Variants in ATF7 observed in about 807,000 individuals in gnomAD.
ATF7 encodes the protein activating transcription factor 7.
ATF7 carries 10 observed loss-of-function variants against 50.4 expected under a neutral mutation model. The ratio of observed to expected loss-of-function variants is 0.20; its 90% CI spans 0.12 to 0.34. The LOEUF (loss-of-function observed/expected upper bound fraction) is 0.34. Ranked by LOEUF, ATF7 falls within the 10% of genes least tolerant of loss-of-function variation. ATF7 has a pLI of 1.00. For missense variants in ATF7, 465 were observed against 613.9 expected (o/e 0.76, Z 2.56); for synonymous variants, 201 against 226.4 (o/e 0.89, Z 1.01).
rs139750326 is a variant in ATF7 at position 53,606,050 on chromosome 12, C to T, written c.-21-5029G>A. 8.3e-3 allele frequency among the ~76,000 whole-genome samples: 1,260 copies of T among 152,180 alleles called. 12 individuals carry two copies. Among genetic ancestry groups the T allele is most frequent in the African/African-American group, 0.029 (1,196 of 41,520 alleles). On this transcript the variant is annotated intron_variant, in intron 1 of 11. Transcript: ENST00000420353. Reference sequence around the variant, plus strand: ...GGCACTTTATATGACCACAGCCAACCAAGTCTATGCTTTTGTCACCCAAAT... The same window carrying T: ...GGCACTTTATATGACCACAGCCAACTAAGTCTATGCTTTTGTCACCCAAAT...
intron 1 of ATF7, 110 bp downstream of exon 1, chr12:53,626,169 G>T (rs991041578): frequency 6.5e-6 from 1 of 153,118 alleles, no homozygotes; most frequent in Non-Finnish European, 1.5e-5. Context: ...CAGCGCCCCC[G>T]TCCAACACAG....
intron 1 of ATF7, among the ~76,000 whole-genome samples, chr12:53,613,063 A>G (rs1056783350): frequency 7.9e-5 from 12 of 152,160 alleles, no homozygotes; most frequent in African/African-American, 2.9e-4. Flanking sequence ...AATGATAGCT[A>G]TTTATCCTGA....
chr12:53,585,065 C>T lies in ATF7; in HGVS notation c.48+15888G>A, dbSNP rs563885726. 2.6e-5 allele frequency among the ~76,000 whole-genome samples: 4 copies of T among 152,266 alleles called. No individual in the cohort carries two copies. The South Asian group carries it at 6.2e-4, about 24-fold the overall frequency. On this transcript the variant is annotated intron_variant, in intron 2 of 11. Transcript: ENST00000420353. ...ATGGCTCACTGCAGCCTTGACCTCC[C>T]GGGCTCAAGCAGTCCTCCCACCTCA...
At chr12:53,518,037 G>T (rs1044605965) in intron 11 of ATF7, among the ~76,000 whole-genome samples, 1 of 151,624 alleles carries the variant, frequency 6.6e-6, no homozygotes, top group Admixed American at 6.6e-5. Context: ...GCTAATTTTT[G>T]AATTTTTAGT....
At chr12:53,620,575 C>T (rs1406435816) in intron 1 of ATF7, among the ~76,000 whole-genome samples, 1 of 75,770 alleles carries the variant, frequency 1.3e-5, no homozygotes, top group African/African-American at 5.5e-5. Context: ...GACTCCGTCT[C>T]AAAAAAAAAA....
chr12:53,605,295 A>T (rs552723041), intron 1 of ATF7, among the ~76,000 whole-genome samples: 1 of 149,690 alleles, frequency 6.7e-6, no homozygotes, highest in Non-Finnish European at 1.5e-5. Flanking sequence ...AGGCTGAGGC[A>T]GGAGAATTGC....
At chr12:53,544,484 T>C (rs1939764346) in intron 3 of ATF7, among the ~76,000 whole-genome samples, 1 of 152,168 alleles carries the variant, frequency 6.6e-6, no homozygotes, top group Non-Finnish European at 1.5e-5. Flanking sequence ...CAGTGGCTCA[T>C]GCCTGTAATC....
chr12:53,560,507 A>T (rs952407189), intron 2 of ATF7, among the ~76,000 whole-genome samples: 1 of 152,228 alleles, frequency 6.6e-6, no homozygotes, highest in Non-Finnish European at 1.5e-5. Flanking sequence ...TAACAGTTTC[A>T]AGCTAACTCC....
In ATF7 at chr12:53,517,096, C is replaced by A; in HGVS notation, c.*41G>T. 1 of 1,593,924 alleles carries A rather than the reference C, an allele frequency of 6.3e-7. No homozygotes were observed. Among genetic ancestry groups the A allele is most frequent in the Non-Finnish European group, 8.5e-7 (1 of 1,171,996 alleles). On this transcript the variant is annotated 3_prime_UTR_variant, in exon 12 of 12. Coordinates refer to ENST00000420353, the MANE Select transcript of ATF7 (RefSeq NM_006856.3). ...GATGACATCTCTCTTGGCTCTTGGG[C>A]GGGCGAGCTCTGGCTGAGGACCTCT... is the stretch of plus-strand genomic sequence containing the variant.
intron 2 of ATF7, among the ~76,000 whole-genome samples, chr12:53,572,566 G>C (rs922152048): frequency 2.6e-5 from 4 of 152,132 alleles, no homozygotes; most frequent in Admixed American, 2.6e-4. Flanking sequence ...TTTGGCGGGG[G>C]GAAAGGGAAA....
chr12:53,614,339 C>T (rs1944022520), intron 1 of ATF7, among the ~76,000 whole-genome samples: 1 of 152,108 alleles, frequency 6.6e-6, no homozygotes, highest in Non-Finnish European at 1.5e-5. Flanking sequence ...TTGAAAAACT[C>T]CTGGAAACCA....
intron 4 of ATF7, among the ~76,000 whole-genome samples, chr12:53,542,434 A>C (rs1236954428): frequency 6.6e-6 from 1 of 151,724 alleles, no homozygotes; most frequent in African/African-American, 2.4e-5. Flanking sequence ...TCTCAAAAAA[A>C]AAAAAAGAGA....
At chr12:53,614,390 G>T (rs1309112221) in intron 1 of ATF7, among the ~76,000 whole-genome samples, 1 of 152,134 alleles carries the variant, frequency 6.6e-6, no homozygotes, top group Admixed American at 6.5e-5. Flanking sequence ...ATTTTAGTTT[G>T]TTCTGCCATT....
At chr12:53,587,383 A>AAAAAAAAAAAAAAAAAAAAAAAAAAAG (rs1592936820) in intron 2 of ATF7, among the ~76,000 whole-genome samples, 1 of 147,518 alleles carries the variant, frequency 6.8e-6, no homozygotes, top group East Asian at 2.0e-4. Context: ...AAAAAAAAAA[A>AAAAAAAAAAAAAAAAAAAAAAAAAAAG]GAAGGAAAAC....
chr12:53,604,511 CAAAGT>C (rs1272135241), intron 1 of ATF7, among the ~76,000 whole-genome samples: 1 of 152,054 alleles, frequency 6.6e-6, no homozygotes, highest in African/African-American at 2.4e-5. Context: ...CTGAGGACTA[CAAAGT>C]AAATTCTCTA....
At chr12:53,610,275 C>T (rs963981785) in intron 1 of ATF7, among the ~76,000 whole-genome samples, 5 of 151,074 alleles carry the variant, frequency 3.3e-5, no homozygotes, top group Non-Finnish European at 7.4e-5. Context: ...AAACGAGATA[C>T]AAAAATGGGC....
Position 53,550,337 on chromosome 12 carries a change from A to AT in ATF7, c.145+2203_145+2204insA, listed in dbSNP as rs1447839611. ...AGACCCTGTCTCAAAAAAAAAAATA[A>AT]ATAAATAAATAAATAAATAAATAAA... On this transcript the variant is annotated intron_variant, in intron 3 of 11. Transcript: ENST00000420353. 1.5e-5 allele frequency among the ~76,000 whole-genome samples: 2 copies of AT among 136,010 alleles called. 1 individual carries two copies. Among genetic ancestry groups the AT allele is most frequent in the Non-Finnish European group, 3.2e-5 (2 of 63,050 alleles). 89.2% of individuals were successfully genotyped at this position (136,010 alleles called of 152,430 possible). A position where few individuals can be genotyped will look rare whatever the true frequency, so the allele number is the denominator to read the frequency against.
chr12:53,519,153 T>C (rs761250730), intron 11 of ATF7, among the ~76,000 whole-genome samples: 2 of 152,140 alleles, frequency 1.3e-5, no homozygotes, highest in Admixed American at 6.5e-5. Flanking sequence ...TTTCACAGCA[T>C]ATATTCATCA....
chr12:53,552,590 C>T lies in ATF7; in HGVS notation c.96G>A (p.Glu32=), dbSNP rs771202434. 1.9e-6 allele frequency: 3 copies of T among 1,613,934 alleles called. No individual in the cohort carries two copies. The highest frequency in any genetic ancestry group is 3.3e-5 in the Admixed American group (2 of 60,002). ...DHLAVHKHKH[E]MTLKFGPART... is the part of the protein sequence containing the mutation. ...GGGCTGGGCCAAATTTCAATGTCAT[C>T]TCATGCTTGTGTTTATGAACTGCCA... The change falls in exon 3 of 12, where the codon GAG becomes GAA. Residue 32 remains glutamate (E), a synonymous_variant. Coordinates refer to ENST00000420353, the MANE Select transcript of ATF7 (RefSeq NM_006856.3).
Sources: gnomAD v4.1 joint callset for allele counts (sites outside exome capture counted in the v4.1 genomes callset) on GRCh38, gnomAD v4.1.1 for gene constraint, MANE v1.5 for transcripts, NCBI Gene and HGNC (gene_info 2026-07-23, HGNC 2026-07-21) for gene names.